ARID4B: variants seen among roughly 807,000 people sequenced by gnomAD.
The protein encoded by ARID4B is AT-rich interactive domain-containing protein 4B.
ARID4B carries 26 observed loss-of-function variants against 147.5 expected under a neutral mutation model. The observed-to-expected ratio is 0.18, with a 90% CI of 0.13 to 0.24. ARID4B has a LOEUF of 0.24. Ranked by LOEUF, ARID4B falls within the 10% of genes least tolerant of loss-of-function variation. The pLI is 1.00. For synonymous variants in ARID4B, 512 were observed against 507.9 expected (o/e 1.01, Z -0.11); for missense variants, 1,179 against 1,511.5 (o/e 0.78, Z 3.65).
At position 235,220,129 on chromosome 1, in the gene ARID4B, A is replaced by T. The variant is rs563693257; in HGVS notation, c.1408-161T>A. On this transcript the variant is annotated intron_variant, in intron 15 of 23. Transcript: ENST00000264183. Reference sequence around the variant, plus strand: ...CTACTTTAAAGCTCTAGACAAAAATAGCTAACAGCTATTTTGAAGTTATGA... The same window carrying T: ...CTACTTTAAAGCTCTAGACAAAAATTGCTAACAGCTATTTTGAAGTTATGA... Among the ~76,000 whole-genome samples, 5 of 152,160 alleles carry T rather than the reference A, an allele frequency of 3.3e-5. No individual in the cohort carries two copies. The East Asian group carries it at 9.6e-4, about 29-fold the overall frequency.
At chr1:235,185,867 A>G (rs1664636630) in intron 19 of ARID4B, among the ~76,000 whole-genome samples, 1 of 151,808 alleles carries the variant, frequency 6.6e-6, no homozygotes, top group East Asian at 1.9e-4. Context: ...TTATAATTTC[A>G]TAATGATGTA....
In ARID4B at chr1:235,214,343, GT is replaced by G. The variant is rs1666910599; in HGVS notation, c.1584-318del. Among the ~76,000 whole-genome samples, 3 of 152,240 alleles carry G rather than the reference GT, an allele frequency of 2.0e-5. No homozygotes were observed. In the South Asian group the frequency reaches 6.2e-4, roughly 32 times the overall value. On this transcript the variant is annotated intron_variant, in intron 16 of 23. Transcript: ENST00000264183. ...TGGTCAACTCTAACAATTTTTTCAT[GT>G]TTTATTAATAAAAGTGTTTTAACAT...
At chr1:235,295,904 C>G (rs531182721) in intron 2 of ARID4B, 2 of 152,712 alleles carry the variant, frequency 1.3e-5, no homozygotes, top group Non-Finnish European at 2.9e-5. Flanking sequence ...GCTCTCCCAA[C>G]GTCAAAGCCA....
chr1:235,283,710 A>G (rs1671802460), intron 2 of ARID4B, among the ~76,000 whole-genome samples: 1 of 152,204 alleles, frequency 6.6e-6, no homozygotes, highest in African/African-American at 2.4e-5. Context: ...TAGACCCTAA[A>G]GAAAATGAAA....
intron 2 of ARID4B, among the ~76,000 whole-genome samples, chr1:235,288,951 T>C (rs1380865010): frequency 6.6e-6 from 1 of 152,240 alleles, no homozygotes; most frequent in African/African-American, 2.4e-5. Flanking sequence ...CACCATTAAT[T>C]TCTGCACCAG....
At chr1:235,318,168 C>CTTT (rs372816686) in intron 2 of ARID4B, among the ~76,000 whole-genome samples, 20 of 111,986 alleles carry the variant, frequency 1.8e-4, no homozygotes, top group Non-Finnish European at 2.8e-4. Flanking sequence ...CTTGCTACTC[C>CTTT]TTTTTTTTTT....
chr1:235,304,703 T>C (rs962532415), intron 2 of ARID4B, among the ~76,000 whole-genome samples: 1 of 152,172 alleles, frequency 6.6e-6, no homozygotes, highest in African/African-American at 2.4e-5. Context: ...GCACTCAAAT[T>C]GGAGTTTATC....
rs61740940 is a variant in ARID4B at position 235,257,178 on chromosome 1, G to A, written c.165C>T (p.His55=). ...DSSTVEVQDD[H]IKGPLKVGAI... Reference sequence around the variant, plus strand: ...GAATTACCTTTAGTGGGCCCTTTATGTGGTCATCCTGAACTTCCACTGTTG... The same window carrying A: ...GAATTACCTTTAGTGGGCCCTTTATATGGTCATCCTGAACTTCCACTGTTG... The change falls in exon 4 of 24, where the codon CAC becomes CAT. Residue 55 remains histidine, a synonymous_variant. Coordinates refer to ENST00000264183, the MANE Select transcript of ARID4B (RefSeq NM_016374.6). 0.017 allele frequency: 26,754 copies of A among 1,611,304 alleles called. 318 individuals are homozygous for A. The highest frequency in any genetic ancestry group is 0.018 in the Non-Finnish European group (21,590 of 1,177,706).
rs182889093 is a variant in ARID4B at position 235,202,550 on chromosome 1, A to C, written c.1842-6435T>G. ...TACATAAAATGAAGTACAATGAAAA[A>C]AAAATTTTTTTTTTTTTGAGACGGA... On this transcript the variant is annotated intron_variant, in intron 17 of 23. Transcript: ENST00000264183. Among the ~76,000 whole-genome samples the C allele has an allele frequency of 6.7e-5, 10 of 148,252 alleles. No individual in the cohort carries two copies. In the East Asian group the frequency reaches 1.9e-3, roughly 29 times the overall value.
At chr1:235,201,446 C>G (rs2102979806) in intron 17 of ARID4B, among the ~76,000 whole-genome samples, 1 of 152,090 alleles carries the variant, frequency 6.6e-6, no homozygotes, top group East Asian at 1.9e-4. Context: ...ACCTCAGACT[C>G]CTGAACAGTT....
intron 10 of ARID4B, among the ~76,000 whole-genome samples, chr1:235,229,845 C>T (rs1173518668): frequency 6.6e-6 from 1 of 152,172 alleles, no homozygotes; most frequent in African/African-American, 2.4e-5. Flanking sequence ...TCAATTAAAA[C>T]TATGGTAACA....
At chr1:235,300,498 A>G (rs1673044015) in intron 2 of ARID4B, among the ~76,000 whole-genome samples, 2 of 152,046 alleles carry the variant, frequency 1.3e-5, no homozygotes, top group African/African-American at 2.4e-5. Flanking sequence ...TCTGGTCCCC[A>G]TTTTCCCTAT....
intron 16 of ARID4B, among the ~76,000 whole-genome samples, chr1:235,215,931 G>GA (rs763918586): frequency 1.2e-4 from 18 of 151,358 alleles, no homozygotes; most frequent in Non-Finnish European, 2.5e-4. Context: ...TTCCTCCACT[G>GA]AAAATTTCAG....
At chr1:235,169,598 C>G (rs1036480252) in intron 23 of ARID4B, among the ~76,000 whole-genome samples, 1 of 151,496 alleles carries the variant, frequency 6.6e-6, no homozygotes, top group Non-Finnish European at 1.5e-5. Context: ...TGCAGTGGTG[C>G]GATCTCGGCT....
intron 23 of ARID4B, 83 bp downstream of exon 23, chr1:235,172,535 G>A (rs192845055): frequency 4.4e-5 from 42 of 962,958 alleles, no homozygotes; most frequent in Admixed American, 3.1e-4. Context: ...CCGAGATTGC[G>A]CCATTGCACT....
intron 19 of ARID4B, among the ~76,000 whole-genome samples, chr1:235,183,706 A>G (rs1037885095): frequency 4.0e-5 from 6 of 150,836 alleles, no homozygotes; most frequent in African/African-American, 1.5e-4. Flanking sequence ...CTGGCCTCTC[A>G]TTTTTCTTTC....
In ARID4B at chr1:235,223,169, A is replaced by T. The variant is rs748079101; in HGVS notation, c.1062T>A (p.Asp354Glu). 1 of 1,554,320 alleles carries T rather than the reference A, an allele frequency of 6.4e-7. No homozygotes were observed. Among genetic ancestry groups the T allele is most frequent in the Admixed American group, 1.8e-5 (1 of 55,526 alleles). The change falls in exon 13 of 24, where the codon GAT becomes GAA. Residue 354 changes from aspartate (D) to glutamate (E), a missense_variant. Asp to Glu is a conservative substitution (Grantham distance 45, BLOSUM62 2). Coordinates refer to ENST00000264183, the MANE Select transcript of ARID4B (RefSeq NM_016374.6). The stretch of plus-strand genomic sequence containing the variant: ...TCAGTTTGACTACAACACTCACATT[A>T]TCAAATCCTCCAAGTTTGTGTACAA... ...FRLVHKLGGFDNIESGAVWKQ... is the reference protein window; with the variant it reads ...FRLVHKLGGFENIESGAVWKQ...
At position 235,168,230 on chromosome 1, in the gene ARID4B, A is replaced by G; in HGVS notation, c.*295T>C. 1 of 291,294 alleles carries G rather than the reference A, an allele frequency of 3.4e-6. No homozygotes were observed. Among genetic ancestry groups the G allele is most frequent in the Non-Finnish European group, 6.5e-6 (1 of 153,670 alleles). 18.0% of individuals were successfully genotyped at this position (291,294 alleles called of 1,614,324 possible). A position where few individuals can be genotyped will look rare whatever the true frequency, so the allele number is the denominator to read the frequency against. ...TCTGACCCACCCCTTAACTATGCTT[A>G]CTGTATTGTCTCTACAGGCAGTGAA... is the stretch of plus-strand genomic sequence containing the variant. On this transcript the variant is annotated 3_prime_UTR_variant, in exon 24 of 24. Coordinates refer to ENST00000264183, the MANE Select transcript of ARID4B (RefSeq NM_016374.6).
intron 2 of ARID4B, among the ~76,000 whole-genome samples, chr1:235,294,658 G>A (rs989314718): frequency 1.1e-4 from 16 of 149,634 alleles, no homozygotes; most frequent in Non-Finnish European, 7.4e-5. Context: ...GATTACAGGC[G>A]CTTGCTACCA....
Sources: allele counts gnomAD v4.1 joint callset (sites outside exome capture counted in the v4.1 genomes callset), GRCh38; gene constraint gnomAD v4.1.1; transcripts MANE v1.5; gene names NCBI Gene and HGNC (gene_info 2026-07-23, HGNC 2026-07-21).